The following PTPRD variants were observed in gnomAD, a reference collection of about 807,000 sequenced individuals.
The protein encoded by PTPRD is receptor-type tyrosine-protein phosphatase delta.
Under a neutral mutation model 214.5 loss-of-function variants are expected in PTPRD, and 34 were observed. The observed-to-expected ratio is 0.16, with a 90% confidence interval of 0.12 to 0.21. PTPRD has a LOEUF of 0.21. Among genes scored for constraint, PTPRD ranks in the 10% least tolerant of loss-of-function variants. The probability of loss-of-function intolerance (pLI) is 1.00; values close to 1 mark genes in which losing one functional copy is unlikely to be tolerated. For synonymous variants in PTPRD, 1,128 were observed against 845.7 expected, an observed-to-expected ratio of 1.33 and a Z score of -5.79; for missense variants, 2,545 against 2,398.7, an observed-to-expected ratio of 1.06 and a Z score of -1.27.
intron 3 of PTPRD, among the ~76,000 whole-genome samples, chr9:10,253,999 T>A (rs993870094): frequency 2.6e-5 from 4 of 152,170 alleles, no homozygotes; most frequent in Admixed American, 2.6e-4. Context: ...GCAATACATA[T>A]GTAATTATGT....
intron 44 of PTPRD, among the ~76,000 whole-genome samples, chr9:8,325,070 T>C (rs1466523436): frequency 6.7e-6 from 1 of 149,460 alleles, no homozygotes; most frequent in Admixed American, 6.6e-5. Context: ...TGATGGTAGT[T>C]TTTTATGCTG....
At chr9:8,807,205 T>G (rs1363508751) in intron 11 of PTPRD, among the ~76,000 whole-genome samples, 1 of 151,980 alleles carries the variant, frequency 6.6e-6, no homozygotes, top group Admixed American at 6.6e-5. Flanking sequence ...GGCATGGTAG[T>G]GCATGCCTGT....
intron 11 of PTPRD, among the ~76,000 whole-genome samples, chr9:8,866,745 T>C (rs1385605929): frequency 4.6e-5 from 7 of 150,942 alleles, no homozygotes; most frequent in Admixed American, 2.7e-4. Context: ...ACATGTTGAA[T>C]ACTTATCTAT....
chr9:8,348,323 A>G (rs965098188), intron 39 of PTPRD, among the ~76,000 whole-genome samples: 1 of 152,140 alleles, frequency 6.6e-6, no homozygotes, highest in Non-Finnish European at 1.5e-5. Context: ...ATGTCTTTGA[A>G]TAATGCTTTA....
intron 12 of PTPRD, among the ~76,000 whole-genome samples, chr9:8,659,261 G>A (rs1022130720): frequency 2.0e-5 from 3 of 152,152 alleles, no homozygotes; most frequent in African/African-American, 7.2e-5. Flanking sequence ...GAGACACTTT[G>A]GCTGCAAGAA....
intron 10 of PTPRD, among the ~76,000 whole-genome samples, chr9:9,083,706 G>C (rs1189071064): frequency 6.6e-6 from 1 of 151,240 alleles, no homozygotes; most frequent in African/African-American, 2.4e-5. Context: ...AAATTTACAA[G>C]AAAAAAAATA....
intron 12 of PTPRD, among the ~76,000 whole-genome samples, chr9:8,710,860 C>T (rs1261050304): frequency 6.6e-6 from 1 of 152,118 alleles, no homozygotes; most frequent in Non-Finnish European, 1.5e-5. Context: ...TCAGGATCTC[C>T]ATCAAACGAA....
chr9:9,872,896 C>T (rs934774942), intron 5 of PTPRD, among the ~76,000 whole-genome samples: 14 of 152,062 alleles, frequency 9.2e-5, no homozygotes, highest in East Asian at 7.8e-4. Flanking sequence ...CAATCATATC[C>T]GCAAGCAGAG....
intron 10 of PTPRD, among the ~76,000 whole-genome samples, chr9:9,058,443 T>TTTTTTTTTTG (rs2099700498): frequency 7.2e-5 from 1 of 13,834 alleles, no homozygotes; most frequent in African/African-American, 4.7e-4. Flanking sequence ...ATTATGAGGG[T>TTTTTTTTTTG]TTTTTTTTTT....
chr9:8,894,041 A>G (rs1440189139), intron 11 of PTPRD, among the ~76,000 whole-genome samples: 2 of 152,136 alleles, frequency 1.3e-5, no homozygotes, highest in Non-Finnish European at 2.9e-5. Context: ...ACACAATGGA[A>G]TATCAGGCAG....
chr9:10,064,254 T>A (rs1462250805), intron 3 of PTPRD, among the ~76,000 whole-genome samples: 1 of 152,000 alleles, frequency 6.6e-6, no homozygotes, highest in Non-Finnish European at 1.5e-5. Context: ...TTGAGGGGCA[T>A]GACAATGCTG....
chr9:10,424,119 G>A (rs1413466872), intron 2 of PTPRD, among the ~76,000 whole-genome samples: 3 of 151,904 alleles, frequency 2.0e-5, no homozygotes, highest in Non-Finnish European at 2.9e-5. Context: ...AGTTCAAAAC[G>A]AAGAATTGGT....
At chr9:9,946,610 C>A (rs945447090) in intron 4 of PTPRD, among the ~76,000 whole-genome samples, 2 of 152,048 alleles carry the variant, frequency 1.3e-5, no homozygotes, top group Non-Finnish European at 2.9e-5. Context: ...TCTTTCCTTA[C>A]TGCAGGTCTC....
At chr9:8,323,992 C>A (rs1227300128) in intron 44 of PTPRD, among the ~76,000 whole-genome samples, 1 of 152,078 alleles carries the variant, frequency 6.6e-6, no homozygotes, top group African/African-American at 2.4e-5. Flanking sequence ...AGCCACCTCA[C>A]CCTTCAGAAA....
chr9:9,626,241 C>A (rs1433035111), intron 7 of PTPRD, among the ~76,000 whole-genome samples: 3 of 152,202 alleles, frequency 2.0e-5, no homozygotes, highest in African/African-American at 7.2e-5. Context: ...CAGAATATAT[C>A]TGCCGGTGGT....
chr9:8,921,977 G>C (rs112319061), intron 11 of PTPRD, among the ~76,000 whole-genome samples: 4 of 152,222 alleles, frequency 2.6e-5, no homozygotes, highest in African/African-American at 9.6e-5. Flanking sequence ...AGTTGGCAAG[G>C]AACAAAGACA....
At chr9:9,914,630 G>T (rs963667022) in intron 5 of PTPRD, among the ~76,000 whole-genome samples, 1 of 152,120 alleles carries the variant, frequency 6.6e-6, no homozygotes, top group South Asian at 2.1e-4. Context: ...CTGTGTTCTG[G>T]CACTGTAGGC....
intron 4 of PTPRD, among the ~76,000 whole-genome samples, chr9:9,957,220 T>C (rs1011082294): frequency 1.3e-5 from 2 of 152,162 alleles, no homozygotes; most frequent in African/African-American, 4.8e-5. Context: ...ATGGGAACAT[T>C]AACAGAGGCA....
intron 4 of PTPRD, among the ~76,000 whole-genome samples, chr9:9,941,645 T>C (rs1239060069): frequency 6.6e-6 from 1 of 152,156 alleles, no homozygotes; most frequent in Non-Finnish European, 1.5e-5. Context: ...CTATAATAAA[T>C]TTGTCACAAT....
Sources: gnomAD v4.1 joint callset for allele counts (sites outside exome capture counted in the v4.1 genomes callset) on GRCh38, gnomAD v4.1.1 for gene constraint, MANE v1.5 for transcripts, NCBI Gene and HGNC (gene_info 2026-07-23, HGNC 2026-07-21) for gene names.